The following SLCO2B1 variants were observed in gnomAD, a reference collection of about 807,000 sequenced individuals.
The protein encoded by SLCO2B1 is OATP-RP2.
In SLCO2B1, 41 loss-of-function variants were observed where a neutral mutation model predicts 67.3. The ratio of observed to expected loss-of-function variants is 0.61; its 90% CI spans 0.47 to 0.79. SLCO2B1 has a LOEUF of 0.79. Ranked by LOEUF, SLCO2B1 falls within the 30% of genes least tolerant of loss-of-function variation. The pLI is 0.00. For missense variants in SLCO2B1, 837 were observed against 920.1 expected (o/e 0.91, Z 1.17); for synonymous variants, 379 against 381.4 (o/e 0.99, Z 0.07).
At chr11:75,203,665 C>T in intron 13 of SLCO2B1, 1 of 506,760 alleles carries the variant, frequency 2.0e-6, no homozygotes, top group South Asian at 2.3e-5. Context: ...TAATAACTTG[C>T]AGAGCTGGGC....
intron 7 of SLCO2B1, among the ~76,000 whole-genome samples, chr11:75,181,944 G>A (rs1293567926): frequency 1.3e-5 from 2 of 152,220 alleles, no homozygotes; most frequent in African/African-American, 4.8e-5. Flanking sequence ...ACAGGGTCAG[G>A]AGCTAAGGAC....
At chr11:75,182,137 A>C (rs537932414) in intron 7 of SLCO2B1, among the ~76,000 whole-genome samples, 3 of 152,188 alleles carry the variant, frequency 2.0e-5, no homozygotes, top group Admixed American at 1.3e-4. Flanking sequence ...CTCTGCTTCA[A>C]ATCTGCTCTC....
intron 7 of SLCO2B1, among the ~76,000 whole-genome samples, chr11:75,181,385 A>AG (rs888475252): frequency 2.0e-5 from 3 of 150,940 alleles, no homozygotes; most frequent in Admixed American, 6.6e-5. Context: ...AAAAAAAAAA[A>AG]AAAGAAAAAA....
chr11:75,153,218 TG>T (rs1390049146), intron 1 of SLCO2B1, among the ~76,000 whole-genome samples: 3 of 152,194 alleles, frequency 2.0e-5, no homozygotes, highest in Admixed American at 2.0e-4. Flanking sequence ...TTCTTCCAGC[TG>T]GGGGTAACCT....
chr11:75,200,884 C>T (rs546629211), intron 11 of SLCO2B1: 1 of 152,864 alleles, frequency 6.5e-6, no homozygotes, highest in South Asian at 2.1e-4. Flanking sequence ...CTGAGCACTG[C>T]CTTTTGGGCC....
rs1945063421 is a variant in SLCO2B1 at position 75,193,867 on chromosome 11, A to G, written c.1433+292A>G. Among the ~76,000 whole-genome samples, 2 of 152,186 alleles carry G rather than the reference A, an allele frequency of 1.3e-5. No individual in the cohort carries two copies. The highest frequency in any genetic ancestry group is 2.4e-5 in the African/African-American group (1 of 41,450). On this transcript the variant is annotated intron_variant, in intron 9 of 13. Transcript: ENST00000289575. The surrounding 1 kb of genome is among the most constrained non-coding windows in gnomAD (Gnocchi z 4.2). ...AGGGCAGAGCCACCCATGGGATGGC[A>G]TGTCCAGGGTGACCAAGCCCTGTGG...
chr11:75,193,387 C>T lies in SLCO2B1; in HGVS notation c.1245C>T (p.Cys415=), dbSNP rs769193802. 2.4e-5 allele frequency: 38 copies of T among 1,614,032 alleles called. No homozygotes were observed. Among genetic ancestry groups the T allele is most frequent in the Non-Finnish European group, 2.5e-6 (3 of 1,180,040 alleles). Residue 415 remains cysteine (C), a synonymous_variant, in exon 9 of 14, where the codon TGC becomes TGT. Coordinates refer to ENST00000289575, the MANE Select transcript of SLCO2B1 (RefSeq NM_007256.5). The surrounding 1 kb of genome is among the most constrained non-coding windows in gnomAD (Gnocchi z 4.2). ...TASYANLLIG[C]LSFPSVIVGI... is the part of the protein sequence containing the mutation. ...CCTACGCCAACCTGCTCATCGGCTG[C>T]CTCTCCTTCCCTTCGGTCATCGTGG...
intron 7 of SLCO2B1, among the ~76,000 whole-genome samples, chr11:75,181,226 C>T (rs907867199): frequency 1.2e-4 from 18 of 151,912 alleles, no homozygotes; most frequent in African/African-American, 4.4e-4. Flanking sequence ...AAAAATTAGC[C>T]AGGCATGGTG....
chr11:75,193,493 C>T lies in SLCO2B1; in HGVS notation c.1351C>T (p.Leu451=). 1.2e-6 allele frequency: 2 copies of T among 1,607,844 alleles called. No individual in the cohort carries two copies. The highest frequency in any genetic ancestry group is 1.7e-6 in the Non-Finnish European group (2 of 1,176,034). The part of the protein sequence containing the change: ...GCGALCLLGM[L]LCLFFSLPLF... ...CGGTGCCCTTTGCCTGCTGGGGATG[C>T]TGCTGTGCCTCTTCTTCAGCCTGCC... The change falls in exon 9 of 14, where the codon CTG becomes TTG. Residue 451 remains leucine, a synonymous_variant. Transcript: ENST00000289575. This position sits in a 1 kb window ranked among gnomAD's most constrained non-coding sequence, Gnocchi z 4.2.
intron 7 of SLCO2B1, among the ~76,000 whole-genome samples, chr11:75,185,635 G>A (rs766320979): frequency 1.3e-5 from 2 of 150,290 alleles, no homozygotes; most frequent in South Asian, 2.1e-4. Flanking sequence ...GAGGGTTCTC[G>A]GCTCTCACAC....
chr11:75,178,102 A>AAAAC (rs1389657653), intron 7 of SLCO2B1, among the ~76,000 whole-genome samples: 224 of 150,982 alleles, frequency 1.5e-3, no homozygotes, highest in African/African-American at 5.0e-3. Context: ...TCAAAAAAAA[A>AAAAC]AAAAAAACAA....
intron 1 of SLCO2B1, among the ~76,000 whole-genome samples, chr11:75,154,069 G>A (rs893687576): frequency 1.3e-5 from 2 of 151,598 alleles, no homozygotes; most frequent in African/African-American, 4.8e-5. Context: ...GGGACTACAG[G>A]CACTCACCAC....
intron 2 of SLCO2B1, 120 bp from the exon 3 acceptor site, chr11:75,163,843 C>A: frequency 8.4e-7 from 1 of 1,190,896 alleles, no homozygotes; most frequent in Non-Finnish European, 1.2e-6. Context: ...CTCCCGCCCT[C>A]TGTCTCTTTC....
chr11:75,201,160 G>A (rs1945175535), intron 11 of SLCO2B1: 1 of 149,174 alleles, frequency 6.7e-6, no homozygotes, highest in South Asian at 2.1e-4. Flanking sequence ...CCTAGTAGCT[G>A]GGATTACAGG....
chr11:75,160,386 T>A (rs1949804188), intron 1 of SLCO2B1, among the ~76,000 whole-genome samples: 1 of 152,160 alleles, frequency 6.6e-6, no homozygotes, highest in African/African-American at 2.4e-5. Context: ...GGTGTCCTTA[T>A]CAGAAGCATA....
intron 7 of SLCO2B1, among the ~76,000 whole-genome samples, chr11:75,173,850 C>T (rs1391210457): frequency 2.0e-5 from 3 of 152,016 alleles, no homozygotes; most frequent in African/African-American, 4.8e-5. Flanking sequence ...AGAGTCTTAC[C>T]CTATTGCCCA....
intron 1 of SLCO2B1, among the ~76,000 whole-genome samples, chr11:75,161,913 G>A: frequency 6.6e-6 from 1 of 152,144 alleles, no homozygotes; most frequent in East Asian, 1.9e-4. Flanking sequence ...GTTACCATGT[G>A]AGGAAAGCCA....
At chr11:75,186,328 C>T (rs771824536) in intron 7 of SLCO2B1, among the ~76,000 whole-genome samples, 8 of 151,920 alleles carry the variant, frequency 5.3e-5, no homozygotes, top group Admixed American at 2.0e-4. Context: ...CCTGCCTCAG[C>T]CCCCCTAGTA....
chr11:75,206,207 A>C lies in SLCO2B1; in HGVS notation c.*1627A>C, dbSNP rs903715776. 6.6e-6 allele frequency: 1 copy of C among 152,168 alleles called. No individual in the cohort carries two copies. Among genetic ancestry groups the C allele is most frequent in the Non-Finnish European group, 1.5e-5 (1 of 68,040 alleles). The allele number at this position is 152,168 out of a possible 1,614,324, so 9.4% of individuals were successfully genotyped here. ...TTTCCCAGGTTTTGCAGGGAAAAAAAGTCTGGAATTATAGATACAGCTTAT... is the reference window on the plus strand; with the variant it reads ...TTTCCCAGGTTTTGCAGGGAAAAAACGTCTGGAATTATAGATACAGCTTAT... On this transcript the variant is annotated 3_prime_UTR_variant, in exon 14 of 14. Transcript: ENST00000289575.
Sources: allele counts gnomAD v4.1 joint callset (sites outside exome capture counted in the v4.1 genomes callset), GRCh38; gene constraint gnomAD v4.1.1; non-coding constraint Gnocchi (gnomAD v3.1); transcripts MANE v1.5; gene names NCBI Gene and HGNC (gene_info 2026-07-23, HGNC 2026-07-21).